The following SP100 variants were observed in gnomAD, a reference collection of about 807,000 sequenced individuals.
SP100 encodes the protein SP100 nuclear body protein, also known as nuclear autoantigen Sp-100.
In SP100, 84 loss-of-function variants were observed where a neutral mutation model predicts 130.0. The observed-to-expected ratio is 0.65, with a 90% CI of 0.54 to 0.77. The LOEUF is 0.77. Among genes scored for constraint, SP100 ranks in the 30% least tolerant of loss-of-function variants. The pLI is 0.00. For missense variants in SP100, 978 were observed against 1,052.2 expected (o/e 0.93, Z 0.97); for synonymous variants, 331 against 351.7 (o/e 0.94, Z 0.66).
chr2:230,416,881 G>A (rs2062613793), intron 1 of SP100: 1 of 985,260 alleles, frequency 1.0e-6, no homozygotes, highest in South Asian at 4.7e-5. Context: ...AAAGGCCCAG[G>A]GTGACAAACG....
At chr2:230,498,844 A>T (rs1315536961) in intron 19 of SP100, among the ~76,000 whole-genome samples, 1 of 152,162 alleles carries the variant, frequency 6.6e-6, no homozygotes, top group African/African-American at 2.4e-5. Context: ...AACAAAACCT[A>T]TGTAATTCAC....
intron 24 of SP100, among the ~76,000 whole-genome samples, chr2:230,523,135 G>T (rs993398550): frequency 2.0e-5 from 3 of 152,138 alleles, no homozygotes; most frequent in Admixed American, 2.0e-4. Context: ...AAATCAAACT[G>T]CCTTGAAAAC....
chr2:230,424,855 T>C (rs910298804), intron 2 of SP100, among the ~76,000 whole-genome samples: 1 of 151,654 alleles, frequency 6.6e-6, no homozygotes, highest in Non-Finnish European at 1.5e-5. Context: ...AGGGGCATAA[T>C]GTAGCCCCTA....
In SP100 at chr2:230,498,494, C is replaced by A; in HGVS notation, c.1679C>A (p.Thr560Asn). 1 of 1,505,830 alleles carries A rather than the reference C, an allele frequency of 6.6e-7. No homozygotes were observed. Among genetic ancestry groups the A allele is most frequent in the Non-Finnish European group, 8.8e-7 (1 of 1,134,888 alleles). 93.3% of individuals were successfully genotyped at this position (1,505,830 alleles called of 1,614,324 possible). Residue 560 changes from threonine (T) to asparagine (N), a missense_variant, in exon 19 of 29, where the codon ACT (threonine) becomes AAT (asparagine). By Grantham distance (65) the Thr-to-Asn change is moderately conservative. Coordinates refer to ENST00000340126, the MANE Select transcript of SP100 (RefSeq NM_001080391.2). ...AAAGACAGACCTAGAAAACATTTAA[C>A]TCTGAATAACAAAGTCCAAAAGAAA... ...RKKDRPRKHLTLNNKVQKKRW... is the reference protein window; with the variant it reads ...RKKDRPRKHLNLNNKVQKKRW...
At chr2:230,444,546 G>T (rs1307854673) in intron 4 of SP100, among the ~76,000 whole-genome samples, 200 bp downstream of exon 4, 1 of 152,096 alleles carries the variant, frequency 6.6e-6, no homozygotes, top group African/African-American at 2.4e-5. Context: ...TGCTTCACTG[G>T]CCACTTAGAC....
intron 17 of SP100, among the ~76,000 whole-genome samples, chr2:230,486,206 G>A (rs113492408): frequency 0.026 from 3,929 of 152,186 alleles, 181 homozygotes; most frequent in African/African-American, 0.091. Context: ...GAGCTACGGG[G>A]AAGTGCCACA....
intron 2 of SP100, among the ~76,000 whole-genome samples, chr2:230,436,927 A>ATATGTGTGTATACACACACATATAT (rs879558808): frequency 2.5e-5 from 2 of 79,958 alleles, no homozygotes; most frequent in African/African-American, 6.1e-5. Flanking sequence ...TATACACACA[A>ATATGTGTGTATACACACACATATAT]GTGTATACAC....
Position 230,469,010 on chromosome 2 carries a change from A to G in SP100, c.1292-33A>G, listed in dbSNP as rs546716103. On this transcript the variant is annotated intron_variant, in intron 13 of 28. Coordinates refer to ENST00000340126, the MANE Select transcript of SP100 (RefSeq NM_001080391.2). Reference sequence around the variant, plus strand: ...TAAGATTTATAGATCTTTTAGTTAGATATTATTGATTTGGTTTTCCTTTAC... The same window carrying G: ...TAAGATTTATAGATCTTTTAGTTAGGTATTATTGATTTGGTTTTCCTTTAC... 60 of 1,321,206 alleles carry G rather than the reference A, an allele frequency of 4.5e-5. No individual in the cohort carries two copies. The South Asian group carries it at 7.2e-4, about 16-fold the overall frequency. 81.8% of individuals were successfully genotyped at this position (1,321,206 alleles called of 1,614,324 possible).
intron 24 of SP100, among the ~76,000 whole-genome samples, chr2:230,532,030 G>C (rs1691723384): frequency 6.6e-6 from 1 of 151,790 alleles, no homozygotes; most frequent in African/African-American, 2.4e-5. Context: ...CTTTTATTTG[G>C]TTCTATGAAT....
At chr2:230,521,975 C>T (rs1031204107) in intron 24 of SP100, among the ~76,000 whole-genome samples, 2 of 152,164 alleles carry the variant, frequency 1.3e-5, no homozygotes, top group Non-Finnish European at 2.9e-5. Flanking sequence ...GTTGAAAAAA[C>T]CCAAATGGCT....
In SP100 at chr2:230,541,387, A is replaced by G; in HGVS notation, c.2403+15A>G. 1 of 1,605,752 alleles carries G rather than the reference A, an allele frequency of 6.2e-7. No homozygotes were observed. Among genetic ancestry groups the G allele is most frequent in the Non-Finnish European group, 8.5e-7 (1 of 1,172,598 alleles). ...AACCGTATTATGTAAGTAACAGCCA[A>G]ACAAAAATGCTTATACTGGCATTTG... On this transcript the variant is annotated intron_variant, in intron 27 of 28. Coordinates refer to ENST00000340126, the MANE Select transcript of SP100 (RefSeq NM_001080391.2).
intron 18 of SP100, among the ~76,000 whole-genome samples, chr2:230,498,085 C>T (rs2066797478): frequency 6.6e-6 from 1 of 152,200 alleles, no homozygotes; most frequent in Non-Finnish European, 1.5e-5. Flanking sequence ...AAGTCTCTAT[C>T]TCATAAATGA....
rs1044088262 is a variant in SP100 at position 230,544,817 on chromosome 2, C to T, written c.*1871C>T. On this transcript the variant is annotated 3_prime_UTR_variant, in exon 29 of 29. Transcript: ENST00000340126. Reference sequence around the variant, plus strand: ...TTCCAAAAGAAGATACACATGCGGCCAACAAGCATGTTTTAAAAGCTCAAT... The same window carrying T: ...TTCCAAAAGAAGATACACATGCGGCTAACAAGCATGTTTTAAAAGCTCAAT... Among the ~76,000 whole-genome samples, 2 of 152,176 alleles carry T rather than the reference C, an allele frequency of 1.3e-5. No individual in the cohort carries two copies. The highest frequency in any genetic ancestry group is 2.9e-5 in the Non-Finnish European group (2 of 68,022).
At chr2:230,518,748 G>A (rs1691037421) in intron 24 of SP100, among the ~76,000 whole-genome samples, 1 of 152,084 alleles carries the variant, frequency 6.6e-6, no homozygotes, top group African/African-American at 2.4e-5. Flanking sequence ...TTTATAGCCT[G>A]TGAATATCAG....
At chr2:230,468,011 A>G (rs866517094) in intron 13 of SP100, among the ~76,000 whole-genome samples, 5 of 152,226 alleles carry the variant, frequency 3.3e-5, no homozygotes, top group South Asian at 2.1e-4. Flanking sequence ...GGCCCCCAAC[A>G]TGAAATTGGC....
At chr2:230,517,346 T>C (rs934465707) in intron 24 of SP100, among the ~76,000 whole-genome samples, 1 of 152,202 alleles carries the variant, frequency 6.6e-6, no homozygotes, top group African/African-American at 2.4e-5. Context: ...AGAGTTATAA[T>C]CAAAAGACTT....
chr2:230,543,205 T>C lies in SP100; in HGVS notation c.*259T>C, dbSNP rs781165658. ...TATGACAAACCCACAGACAACATTA[T>C]ATGGAATGCGCAAAAGAAGCATTCC... is the stretch of plus-strand genomic sequence containing the variant. On this transcript the variant is annotated 3_prime_UTR_variant, in exon 29 of 29. Transcript: ENST00000340126. 3.5e-4 allele frequency: 94 copies of C among 267,680 alleles called. No homozygotes were observed. Among genetic ancestry groups the C allele is most frequent in the Non-Finnish European group, 5.3e-4 (75 of 140,698 alleles). The allele number at this position is 267,680 out of a possible 1,614,324, so 16.6% of individuals were successfully genotyped here.
At chr2:230,542,591 A>C (rs1692220977) in intron 28 of SP100, among the ~76,000 whole-genome samples, 1 of 152,224 alleles carries the variant, frequency 6.6e-6, no homozygotes, top group Admixed American at 6.5e-5. Context: ...CACAAGTAGA[A>C]TTTTTAAAAG....
chr2:230,508,032 G>C lies in SP100; in HGVS notation c.2052+1G>C. ...AGAACCACCAAGCACAAGAAAAAAGGTGATGATCAAGTGATCTTCTGCCAA... is the reference window on the plus strand; with the variant it reads ...AGAACCACCAAGCACAAGAAAAAAGCTGATGATCAAGTGATCTTCTGCCAA... On this transcript the variant is annotated splice_donor_variant, in intron 23 of 28. Coordinates refer to ENST00000340126, the MANE Select transcript of SP100 (RefSeq NM_001080391.2). LOFTEE classifies it high-confidence loss of function. The C allele has an allele frequency of 1.2e-6, 2 of 1,613,064 alleles. No individual in the cohort carries two copies. The highest frequency in any genetic ancestry group is 1.7e-6 in the Non-Finnish European group (2 of 1,179,536).
Sources: allele counts gnomAD v4.1 joint callset (sites outside exome capture counted in the v4.1 genomes callset), GRCh38; gene constraint gnomAD v4.1.1; transcripts MANE v1.5; gene names NCBI Gene and HGNC (gene_info 2026-07-23, HGNC 2026-07-21).